Variants in IKZF2 observed in about 807,000 individuals in gnomAD.
IKZF2 encodes zinc finger protein Helios.
In IKZF2, 15 loss-of-function variants were observed where a neutral mutation model predicts 49.2. The ratio of observed to expected loss-of-function variants is 0.30; its 90% CI spans 0.20 to 0.47. IKZF2 has a LOEUF of 0.47. Among genes scored for constraint, IKZF2 ranks in the 20% least tolerant of loss-of-function variants. The probability of loss-of-function intolerance (pLI) is 1.00; values close to 1 mark genes in which losing one functional copy is unlikely to be tolerated. For missense variants in IKZF2, 567 were observed against 664.6 expected (o/e 0.85, Z 1.61); for synonymous variants, 227 against 221.4 (o/e 1.03, Z -0.23).
At chr2:213,114,215 A>T (rs1175842983) in intron 4 of IKZF2, among the ~76,000 whole-genome samples, 3 of 152,176 alleles carry the variant, frequency 2.0e-5, no homozygotes, top group Non-Finnish European at 4.4e-5. Flanking sequence ...CCTCTATAAT[A>T]AAAAGGTGTG....
intron 4 of IKZF2, among the ~76,000 whole-genome samples, chr2:213,070,034 C>A (rs1299968679): frequency 2.0e-5 from 3 of 151,970 alleles, no homozygotes; most frequent in Non-Finnish European, 4.4e-5. Context: ...TATTTTCATG[C>A]ATTTTGAGAT....
intron 8 of IKZF2, among the ~76,000 whole-genome samples, chr2:213,010,772 GGTGTA>G (rs929002222): frequency 6.6e-6 from 1 of 152,050 alleles, no homozygotes; most frequent in African/African-American, 2.4e-5. Flanking sequence ...GTGCTGCCAA[GGTGTA>G]GTGTAGAGCT....
chr2:213,029,221 G>A (rs955393441), intron 6 of IKZF2, among the ~76,000 whole-genome samples: 2 of 151,892 alleles, frequency 1.3e-5, no homozygotes, highest in African/African-American at 4.8e-5. Context: ...TTGTCTGGAG[G>A]AATTTGTTCC....
At chr2:213,022,267 AT>A (rs1160587915) in intron 6 of IKZF2, 137 bp from the exon 7 acceptor site, 3 of 780,416 alleles carry the variant, frequency 3.8e-6, no homozygotes, top group African/African-American at 1.8e-5. Context: ...TTACATTCCA[AT>A]TTTGGTAAGA....
At chr2:213,015,291 G>T (rs1696445277) in intron 7 of IKZF2, 1 of 151,992 alleles carries the variant, frequency 6.6e-6, no homozygotes. Context: ...TTAATAAGAA[G>T]TCCTCTGGCT....
chr2:213,054,935 T>C (rs1374860174), intron 5 of IKZF2, among the ~76,000 whole-genome samples: 1 of 152,120 alleles, frequency 6.6e-6, no homozygotes, highest in Non-Finnish European at 1.5e-5. Context: ...ATTATTTTAT[T>C]TACAAATTAA....
intron 4 of IKZF2, among the ~76,000 whole-genome samples, chr2:213,097,496 T>A (rs1254564859): frequency 2.0e-5 from 3 of 152,124 alleles, no homozygotes; most frequent in Admixed American, 6.6e-5. Flanking sequence ...TGATTTCATA[T>A]GTTAAAGTAT....
chr2:213,052,815 G>A (rs1175690262), intron 5 of IKZF2, among the ~76,000 whole-genome samples: 1 of 152,034 alleles, frequency 6.6e-6, no homozygotes, highest in African/African-American at 2.4e-5. Flanking sequence ...TTTATTGAAT[G>A]TCGTGGGGTA....
intron 1 of IKZF2, 67 bp from the exon 2 acceptor site, chr2:213,150,314 T>C (rs2061237803): frequency 3.5e-6 from 2 of 563,954 alleles, no homozygotes; most frequent in East Asian, 6.8e-5. Context: ...TTCCCTCCCT[T>C]GCCCCCTCCA....
intron 4 of IKZF2, among the ~76,000 whole-genome samples, chr2:213,114,990 C>T (rs1000136835): frequency 6.6e-5 from 10 of 151,764 alleles, no homozygotes; most frequent in Non-Finnish European, 1.3e-4. Flanking sequence ...GGCAAATGCA[C>T]GTTAACCCTT....
chr2:213,037,900 T>A (rs75220425), intron 6 of IKZF2, among the ~76,000 whole-genome samples: 1 of 152,054 alleles, frequency 6.6e-6, no homozygotes, highest in Non-Finnish European at 1.5e-5. Flanking sequence ...TTCCTTCTCA[T>A]GAGAAGCCTG....
chr2:213,066,266 G>C (rs1702150577), intron 4 of IKZF2, among the ~76,000 whole-genome samples: 2 of 152,162 alleles, frequency 1.3e-5, no homozygotes, highest in African/African-American at 4.8e-5. Context: ...AAGGCTGCTG[G>C]CGGCTCAACA....
At chr2:213,019,563 C>T (rs1233496051) in intron 7 of IKZF2, among the ~76,000 whole-genome samples, 3 of 152,174 alleles carry the variant, frequency 2.0e-5, no homozygotes, top group Non-Finnish European at 4.4e-5. Context: ...ATTGTTATAA[C>T]AAACCCAGAA....
At chr2:213,026,110 A>T (rs1238230202) in intron 6 of IKZF2, among the ~76,000 whole-genome samples, 1 of 152,010 alleles carries the variant, frequency 6.6e-6, no homozygotes, top group Non-Finnish European at 1.5e-5. Flanking sequence ...ACCCTATACC[A>T]TCTGGTCCCA....
chr2:213,025,514 CTATT>C (rs933268789), intron 6 of IKZF2, among the ~76,000 whole-genome samples: 6 of 152,086 alleles, frequency 3.9e-5, no homozygotes, highest in African/African-American at 1.4e-4. Flanking sequence ...CATCGGATAC[CTATT>C]TATTTCCCTA....
At chr2:213,026,755 ACT>A (rs1263918471) in intron 6 of IKZF2, among the ~76,000 whole-genome samples, 1 of 152,072 alleles carries the variant, frequency 6.6e-6, no homozygotes, top group Non-Finnish European at 1.5e-5. Flanking sequence ...TATTTTATAC[ACT>A]GTTATTTTAT....
chr2:213,129,098 A>G (rs2125884816), intron 4 of IKZF2, among the ~76,000 whole-genome samples: 1 of 152,082 alleles, frequency 6.6e-6, no homozygotes, highest in East Asian at 1.9e-4. Context: ...AGAGAATTCT[A>G]TTTATGGAAG....
intron 3 of IKZF2, 43 bp downstream of exon 3, chr2:213,148,553 C>A: frequency 7.0e-7 from 1 of 1,428,300 alleles, no homozygotes; most frequent in Non-Finnish European, 9.8e-7. Flanking sequence ...AATACAAAGG[C>A]AACTTTATTA....
At chr2:213,143,402 G>A (rs2060939574) in intron 4 of IKZF2, among the ~76,000 whole-genome samples, 2 of 151,896 alleles carry the variant, frequency 1.3e-5, no homozygotes, top group Non-Finnish European at 2.9e-5. Context: ...GCGGAATGAG[G>A]TGCAAAGAAA....
Sources: gnomAD v4.1 joint callset for allele counts (sites outside exome capture counted in the v4.1 genomes callset) on GRCh38, gnomAD v4.1.1 for gene constraint, MANE v1.5 for transcripts, NCBI Gene and HGNC (gene_info 2026-07-23, HGNC 2026-07-21) for gene names.